Variants in CHST3 observed in about 807,000 individuals in gnomAD.
The protein encoded by CHST3 is C6ST-1.
Under a neutral mutation model 35.4 loss-of-function variants are expected in CHST3, and 20 were observed. The observed-to-expected ratio is 0.57, with a 90% CI of 0.40 to 0.82. CHST3 has a LOEUF of 0.82. CHST3 is among the 40% of genes least tolerant of loss of function. The pLI is 0.00. For synonymous variants in CHST3, 334 were observed against 295.9 expected, an observed-to-expected ratio of 1.13 and a Z score of -1.32; for missense variants, 693 against 670.1, an observed-to-expected ratio of 1.03 and a Z score of -0.38.
rs374954414 is a variant in CHST3, at chr10:72,008,394, C to T, written c.1363C>T (p.Leu455=). 6.4e-7 allele frequency: 1 copy of T among 1,570,460 alleles called. No homozygotes were observed. The highest frequency in any genetic ancestry group is 1.2e-5 in the South Asian group (1 of 85,384). Residue 455 remains leucine, a synonymous_variant, in exon 3 of 3, where the codon CTG becomes TTG. Coordinates refer to ENST00000373115, the MANE Select transcript of CHST3 (RefSeq NM_004273.5). The stretch of plus-strand genomic sequence containing the variant: ...TGCCATGCGCCTCTTCGGCTACAAA[C>T]TGGCGCGGGACGCCGCCGCCCTCAC... ...GPAMRLFGYK[L]ARDAAALTNR...
Position 72,005,989 on chromosome 10 carries a change from G to GT in CHST3, c.140+9dup. 1.3e-6 allele frequency: 2 copies of GT among 1,597,346 alleles called. No homozygotes were observed. The highest frequency in any genetic ancestry group is 1.7e-6 in the Non-Finnish European group (2 of 1,169,926). On this transcript the variant is annotated splice_region_variant and intron_variant, in intron 2 of 2. Transcript: ENST00000373115. Reference sequence around the variant, plus strand: ...AAAATAAAATCATATCAAGGTGAGGGTTGCAAGCCCAAGTCTTCATCTTCC... The same window carrying GT: ...AAAATAAAATCATATCAAGGTGAGGGTTTGCAAGCCCAAGTCTTCATCTTCC...
rs1840076075 is a variant in CHST3, at chr10:72,008,671, G to A, written c.*200G>A. 8.6e-7 allele frequency: 1 copy of A among 1,164,784 alleles called. No individual in the cohort carries two copies. The highest frequency in any genetic ancestry group is 1.2e-6 in the Non-Finnish European group (1 of 866,454). The allele number at this position is 1,164,784 out of a possible 1,614,324, so 72.2% of individuals were successfully genotyped here. A position where few individuals can be genotyped will look rare whatever the true frequency, so the allele number is the denominator to read the frequency against. On this transcript the variant is annotated 3_prime_UTR_variant, in exon 3 of 3. Coordinates refer to ENST00000373115, the MANE Select transcript of CHST3 (RefSeq NM_004273.5). ...AGGACAGTGCCCGGTCCCCTTGAGG[G>A]CCATCACACCCAGACCCAACGGGTT...
chr10:72,008,042 G>T lies in CHST3; in HGVS notation c.1011G>T (p.Glu337Asp), dbSNP rs951801784. 5.2e-6 allele frequency: 8 copies of T among 1,549,422 alleles called. No individual in the cohort carries two copies. Among genetic ancestry groups the T allele is most frequent in the Non-Finnish European group, 7.0e-6 (8 of 1,146,482 alleles). The change falls in exon 3 of 3, where the codon GAG (glutamate) becomes GAT (aspartate). Residue 337 changes from glutamate (E) to aspartate (D), a missense_variant. Coordinates refer to ENST00000373115, the MANE Select transcript of CHST3 (RefSeq NM_004273.5). ...GCCAGGACGGCCTGAGGGAAGAGGA[G>T]GTGCAGCGGCTGCGGGGCAACTGCG... ...DEGQDGLREE[E>D]VQRLRGNCES... is the part of the protein sequence containing the mutation.
intron 2 of CHST3, 97 bp downstream of exon 2, chr10:72,006,079 A>G (rs1840036242): frequency 6.7e-7 from 1 of 1,496,950 alleles, no homozygotes; most frequent in Non-Finnish European, 9.3e-7. Context: ...CTGCAAATGC[A>G]TTCCTTCAAC....
chr10:71,984,177 C>T (rs867503775), intron 1 of CHST3, among the ~76,000 whole-genome samples: 3 of 152,184 alleles, frequency 2.0e-5, no homozygotes, highest in Admixed American at 6.5e-5. Context: ...CATGCGCCAC[C>T]GCACCCAGCT....
At chr10:71,985,408 G>T (rs76691147) in intron 1 of CHST3, among the ~76,000 whole-genome samples, 3 of 152,148 alleles carry the variant, frequency 2.0e-5, no homozygotes, top group African/African-American at 7.2e-5. Context: ...CTGCCATGAG[G>T]AGTAGCATCC....
At chr10:71,996,537 T>G (rs1446614445) in intron 1 of CHST3, among the ~76,000 whole-genome samples, 1 of 151,876 alleles carries the variant, frequency 6.6e-6, no homozygotes, top group Non-Finnish European at 1.5e-5. Flanking sequence ...GATACTGGTG[T>G]GTCCTATTTT....
chr10:72,005,870 G>A lies in CHST3; in HGVS notation c.28G>A (p.Asp10Asn), dbSNP rs1196835278. The change falls in exon 2 of 3, where the codon GAC (aspartate) becomes AAC (asparagine). Residue 10 changes from aspartate (D) to asparagine (N), a missense_variant. Asp to Asn is a conservative substitution (Grantham distance 23). Transcript: ENST00000373115. ...GGAGAAAGGACTCACTTTGCCCCAG[G>A]ACTGCCGGGACTTTGTGCACAGCCT... MEKGLTLPQ[D>N]CRDFVHSLKM... 1 of 1,614,240 alleles carries A rather than the reference G, an allele frequency of 6.2e-7. No homozygotes were observed. Among genetic ancestry groups the A allele is most frequent in the Non-Finnish European group, 8.5e-7 (1 of 1,180,044 alleles).
intron 1 of CHST3, among the ~76,000 whole-genome samples, chr10:71,982,562 G>A (rs1489664513): frequency 6.6e-6 from 1 of 152,218 alleles, no homozygotes; most frequent in East Asian, 1.9e-4. Context: ...AGACCAGCCT[G>A]GGCAACCTGA....
chr10:71,966,225 C>A (rs1435465765), intron 1 of CHST3, among the ~76,000 whole-genome samples: 1 of 152,176 alleles, frequency 6.6e-6, no homozygotes, highest in South Asian at 2.1e-4. Context: ...CTTCCTGGCT[C>A]CTGATGGCCT....
intron 2 of CHST3, 81 bp from the exon 3 acceptor site, chr10:72,007,091 C>G: frequency 6.7e-7 from 1 of 1,502,992 alleles, no homozygotes; most frequent in South Asian, 1.2e-5. Flanking sequence ...TTTTGGTGAT[C>G]TGCTTGGAGG....
At chr10:71,990,478 C>T (rs1839887887) in intron 1 of CHST3, among the ~76,000 whole-genome samples, 1 of 152,220 alleles carries the variant, frequency 6.6e-6, no homozygotes, top group African/African-American at 2.4e-5. Flanking sequence ...ATTCTCCTGC[C>T]TCAGCCTCCT....
intron 1 of CHST3, among the ~76,000 whole-genome samples, chr10:71,991,890 ATGCCAT>A (rs1353762412): frequency 6.6e-6 from 1 of 151,766 alleles, no homozygotes; most frequent in African/African-American, 2.4e-5. Flanking sequence ...GCCGAGATAC[ATGCCAT>A]TGCACTCCAG....
At chr10:71,996,020 G>A (rs7085958) in intron 1 of CHST3, among the ~76,000 whole-genome samples, 74,799 of 151,912 alleles carry the variant, frequency 0.49, 19,370 homozygotes, top group Non-Finnish European at 0.59. Flanking sequence ...GCACAATAAA[G>A]TCTGTCCTGT....
intron 1 of CHST3, among the ~76,000 whole-genome samples, chr10:71,967,085 C>T (rs1474418706): frequency 1.3e-5 from 2 of 152,192 alleles, no homozygotes; most frequent in African/African-American, 4.8e-5. Flanking sequence ...TCACCATAGC[C>T]TCGACCTCCT....
chr10:71,992,658 CT>C (rs57408244), intron 1 of CHST3, among the ~76,000 whole-genome samples: 41,553 of 111,242 alleles, frequency 0.37, 5,877 homozygotes, highest in Non-Finnish European at 0.47. Flanking sequence ...ATGGAATATT[CT>C]TTTTTTTTTT....
At position 72,007,608 on chromosome 10, in the gene CHST3, A is replaced by C; in HGVS notation, c.577A>C (p.Lys193Gln). The C allele has an allele frequency of 6.2e-7, 1 of 1,610,130 alleles. No homozygotes were observed. Among genetic ancestry groups the C allele is most frequent in the Non-Finnish European group, 8.5e-7 (1 of 1,179,632 alleles). ...GGCCCTGGTGTACCGCGACGTGCTC[A>C]AGCAGCTCTTCCTGTGCGACCTGTA... ...GSALVYRDVL[K>Q]QLFLCDLYVL... Residue 193 changes from lysine (K) to glutamine (Q), a missense_variant, in exon 3 of 3, where the codon AAG (lysine) becomes CAG (glutamine). Lys to Gln is a moderately conservative substitution (Grantham distance 53). Transcript: ENST00000373115.
In CHST3 at chr10:71,967,975, A is replaced by ATTT. The variant is rs61420934; in HGVS notation, c.-108+3294_-108+3296dup. Among the ~76,000 whole-genome samples the ATTT allele has an allele frequency of 6.3e-5, 9 of 142,040 alleles. 1 individual carries two copies. Among genetic ancestry groups the ATTT allele is most frequent in the Non-Finnish European group, 1.1e-4 (7 of 65,486 alleles). 93.2% of individuals were successfully genotyped at this position (142,040 alleles called of 152,430 possible). The stretch of plus-strand genomic sequence containing the variant: ...AGGCGTGCACCACCATGCGTGGCTA[A>ATTT]TTTTTTTTTTTTTTTGTATTTTAGT... On this transcript the variant is annotated intron_variant, in intron 1 of 2. Coordinates refer to ENST00000373115, the MANE Select transcript of CHST3 (RefSeq NM_004273.5).
intron 1 of CHST3, among the ~76,000 whole-genome samples, chr10:71,988,988 C>T (rs1406801235): frequency 2.0e-5 from 3 of 152,092 alleles, no homozygotes; most frequent in African/African-American, 7.2e-5. Context: ...AATGGTGAAA[C>T]CCCATCTCTA....
Sources: gnomAD v4.1 joint callset for allele counts (sites outside exome capture counted in the v4.1 genomes callset) on GRCh38, gnomAD v4.1.1 for gene constraint, MANE v1.5 for transcripts, NCBI Gene and HGNC (gene_info 2026-07-23, HGNC 2026-07-21) for gene names.